Variants in C21orf91 observed in about 807,000 individuals in gnomAD.
C21orf91 encodes the protein chromosome 21 open reading frame 91, also known as protein EURL homolog.
Under a neutral mutation model 32.9 loss-of-function variants are expected in C21orf91, and 26 were observed. That is an observed-to-expected ratio of 0.79 (90% CI 0.58 to 1.10). The LOEUF is 1.10. Among genes scored for constraint, C21orf91 ranks in the 50% least tolerant of loss-of-function variants. The pLI is 0.00. For missense variants in C21orf91, 310 were observed against 341.3 expected, an observed-to-expected ratio of 0.91 and a Z score of 0.72; for synonymous variants, 126 against 120.4, an observed-to-expected ratio of 1.05 and a Z score of -0.31.
chr21:17,794,109 G>T (rs1164366578), intron 4 of C21orf91, among the ~76,000 whole-genome samples: 1 of 152,146 alleles, frequency 6.6e-6, no homozygotes, highest in East Asian at 1.9e-4. Context: ...AATTAAATGA[G>T]ATCATATTTG....
At chr21:17,801,487 G>A (rs2146252463) in intron 2 of C21orf91, among the ~76,000 whole-genome samples, 2 of 152,152 alleles carry the variant, frequency 1.3e-5, no homozygotes, top group Middle Eastern at 6.8e-3. Context: ...AGCCAGGATG[G>A]TCTCGATCTC....
At chr21:17,805,011 T>G (rs900571696) in intron 2 of C21orf91, among the ~76,000 whole-genome samples, 2 of 152,224 alleles carry the variant, frequency 1.3e-5, no homozygotes, top group African/African-American at 4.8e-5. Context: ...ATTCTACTCC[T>G]TAATGTAGCT....
At chr21:17,810,480 T>C (rs575042807) in intron 2 of C21orf91, 1 of 152,372 alleles carries the variant, frequency 6.6e-6, no homozygotes, top group East Asian at 1.9e-4. Context: ...TAATGAACAC[T>C]TTCTTTTCTC....
intron 1 of C21orf91, chr21:17,818,936 G>C (rs986223172): frequency 1.3e-5 from 2 of 152,286 alleles, no homozygotes; most frequent in African/African-American, 4.8e-5. Context: ...GCCGGGCACC[G>C]CCGGAGGGGC....
At chr21:17,806,489 G>A (rs2062594721) in intron 2 of C21orf91, among the ~76,000 whole-genome samples, 1 of 142,738 alleles carries the variant, frequency 7.0e-6, no homozygotes, top group South Asian at 2.4e-4. Context: ...ATAACTGTAG[G>A]TTGCCAAGCT....
In C21orf91 at chr21:17,791,010, A is replaced by T. The variant is rs1220936923; in HGVS notation, c.*2405T>A. On this transcript the variant is annotated 3_prime_UTR_variant, in exon 5 of 5. Coordinates refer to ENST00000284881, the MANE Select transcript of C21orf91 (RefSeq NM_001100420.2). The stretch of plus-strand genomic sequence containing the variant: ...CTTCAAAACATTCTCAAAAATTACT[A>T]ACAACTGTAGAGAATAGCCAAGTGT... The T allele has an allele frequency of 6.6e-6, 1 of 152,126 alleles. No individual in the cohort carries two copies. Among genetic ancestry groups the T allele is most frequent in the East Asian group, 1.9e-4 (1 of 5,200 alleles). 9.4% of individuals were successfully genotyped at this position (152,126 alleles called of 1,614,324 possible).
At chr21:17,819,082 T>A (rs2062688032) in intron 1 of C21orf91, 2 of 152,050 alleles carry the variant, frequency 1.3e-5, no homozygotes, top group South Asian at 4.1e-4. Context: ...AGCCTCAGCG[T>A]CTCGGGGAGC....
At chr21:17,799,715 C>T (rs1010135720) in intron 2 of C21orf91, among the ~76,000 whole-genome samples, 1 of 152,108 alleles carries the variant, frequency 6.6e-6, no homozygotes, top group East Asian at 1.9e-4. Context: ...TTGCCTCTTT[C>T]GCGGCCTGTA....
In C21orf91 at chr21:17,790,608, T is replaced by C. The variant is rs2062465834; in HGVS notation, c.*2807A>G. 1 of 152,120 alleles carries C rather than the reference T, an allele frequency of 6.6e-6. No individual in the cohort carries two copies. The allele number at this position is 152,120 out of a possible 1,614,324, so 9.4% of individuals were successfully genotyped here. On this transcript the variant is annotated 3_prime_UTR_variant, in exon 5 of 5. Transcript: ENST00000284881. ...CTAAGAATGTGTCTTTGCTCCACCA[T>C]TGTGCATAGTCAACGACACAACAAA...
intron 2 of C21orf91, among the ~76,000 whole-genome samples, chr21:17,805,189 A>G (rs1229647997): frequency 6.6e-6 from 1 of 152,232 alleles, no homozygotes; most frequent in Non-Finnish European, 1.5e-5. Flanking sequence ...AATTTAAATG[A>G]ATTCAATGTG....
chr21:17,808,300 G>C (rs1011030628), intron 2 of C21orf91, among the ~76,000 whole-genome samples: 1 of 152,250 alleles, frequency 6.6e-6, no homozygotes, highest in Non-Finnish European at 1.5e-5. Context: ...TAACCCTGCA[G>C]GTGTGCAGAG....
chr21:17,807,215 T>C (rs1271020303), intron 2 of C21orf91, among the ~76,000 whole-genome samples: 1 of 152,180 alleles, frequency 6.6e-6, no homozygotes, highest in African/African-American at 2.4e-5. Flanking sequence ...GGTAACTGGA[T>C]CATGGGAGCA....
At chr21:17,801,338 T>A (rs1186350841) in intron 2 of C21orf91, among the ~76,000 whole-genome samples, 1 of 151,762 alleles carries the variant, frequency 6.6e-6, no homozygotes, top group African/African-American at 2.4e-5. Context: ...TGGTGCGATC[T>A]CGGCTTACTG....
chr21:17,810,537 G>A lies in C21orf91; in HGVS notation c.127+7655C>T, dbSNP rs560737686. 375 of 152,344 alleles carry A rather than the reference G, an allele frequency of 2.5e-3. 1 individual carries two copies. The highest frequency in any genetic ancestry group is 8.7e-3 in the African/African-American group (362 of 41,580). The allele number at this position is 152,344 out of a possible 1,614,324, so 9.4% of individuals were successfully genotyped here. Reference sequence around the variant, plus strand: ...TATTGAGGCTGATAAGCAAAAGGGAGCTGCTATGCAATTTCAGGATTGGTG... The same window carrying A: ...TATTGAGGCTGATAAGCAAAAGGGAACTGCTATGCAATTTCAGGATTGGTG... On this transcript the variant is annotated intron_variant, in intron 2 of 4. Coordinates refer to ENST00000284881, the MANE Select transcript of C21orf91 (RefSeq NM_001100420.2).
rs1395389586 is a variant in C21orf91 at position 17,793,587 on chromosome 21, A to G, written c.728-6T>C. The stretch of plus-strand genomic sequence containing the variant: ...AGTTAACTCTTCAAAAACTTCTGTA[A>G]AAGATTTAAAAACTTTCATTTTTAG... On this transcript the variant is annotated splice_region_variant and splice_polypyrimidine_tract_variant and intron_variant, in intron 4 of 4. Transcript: ENST00000284881. 1 of 1,592,052 alleles carries G rather than the reference A, an allele frequency of 6.3e-7. No individual in the cohort carries two copies.
chr21:17,810,414 A>G (rs1039414897), intron 2 of C21orf91: 5 of 152,242 alleles, frequency 3.3e-5, no homozygotes, highest in African/African-American at 1.2e-4. Flanking sequence ...TTCTATTGAC[A>G]TAGTTAGTTT....
chr21:17,796,103 A>G (rs2062515675), intron 3 of C21orf91, among the ~76,000 whole-genome samples: 1 of 152,196 alleles, frequency 6.6e-6, no homozygotes, highest in African/African-American at 2.4e-5. Flanking sequence ...GCTTCTGTAA[A>G]TTTTTGTAGA....
At chr21:17,810,677 T>C (rs1169711022) in intron 2 of C21orf91, 7 of 152,198 alleles carry the variant, frequency 4.6e-5, no homozygotes, top group Non-Finnish European at 8.8e-5. Context: ...ACTTGGATGG[T>C]GGAAGAACAG....
Position 17,818,205 on chromosome 21 carries a change from C to T in C21orf91, c.114G>A (p.Glu38=). Residue 38 remains glutamate, a synonymous_variant, in exon 2 of 5, where the codon GAG becomes GAA. Transcript: ENST00000284881. ...CTGTGTCCTTACCCTCAATATTTAGCTCAAAACAAATGTGGCAGAAGGAGA... is the reference window on the plus strand; with the variant it reads ...CTGTGTCCTTACCCTCAATATTTAGTTCAAAACAAATGTGGCAGAAGGAGA... ...ETLSFCHICF[E]LNIEGVPKSD... The T allele has an allele frequency of 6.2e-7, 1 of 1,610,472 alleles. No individual in the cohort carries two copies. The highest frequency in any genetic ancestry group is 8.5e-7 in the Non-Finnish European group (1 of 1,176,816).
Sources: gnomAD v4.1 joint callset for allele counts (sites outside exome capture counted in the v4.1 genomes callset) on GRCh38, gnomAD v4.1.1 for gene constraint, MANE v1.5 for transcripts, NCBI Gene and HGNC (gene_info 2026-07-23, HGNC 2026-07-21) for gene names.